FBXL14: variants seen among roughly 807,000 people sequenced by gnomAD.
FBXL14 encodes the protein F-box and leucine rich repeat protein 14.
FBXL14 carries 11 observed loss-of-function variants against 24.5 expected under a neutral mutation model. That is an observed-to-expected ratio of 0.45 (90% CI 0.28 to 0.74). FBXL14 has a LOEUF of 0.74. Among genes scored for constraint, FBXL14 ranks in the 30% least tolerant of loss-of-function variants. The pLI is 0.12. For missense variants in FBXL14, 384 were observed against 545.6 expected, an observed-to-expected ratio of 0.70 and a Z score of 2.95; for synonymous variants, 294 against 240.4, an observed-to-expected ratio of 1.22 and a Z score of -2.06.
rs1230638244 is a variant in FBXL14, at chr12:1,579,875, T to C, written c.1194+12998A>G. ...GTCTCTCGATGCTGAAATGGAATGA[T>C]GAGAACTCAGGGCCAGCCTGAAATG... On this transcript the variant is annotated intron_variant, in intron 1 of 1. Coordinates refer to ENST00000339235, the MANE Select transcript of FBXL14 (RefSeq NM_152441.3). The surrounding 1 kb of genome is among the most constrained non-coding windows in gnomAD (Gnocchi z 4.3). Among the ~76,000 whole-genome samples the C allele has an allele frequency of 6.6e-6, 1 of 152,174 alleles. No individual in the cohort carries two copies. The highest frequency in any genetic ancestry group is 1.5e-5 in the Non-Finnish European group (1 of 68,034).
At chr12:1,571,759 A>G (rs1027678131) in intron 1 of FBXL14, among the ~76,000 whole-genome samples, 1 of 152,220 alleles carries the variant, frequency 6.6e-6, no homozygotes, top group African/African-American at 2.4e-5. Flanking sequence ...TCCCATTTGA[A>G]GTCACTACTA....
In FBXL14 at chr12:1,567,898, CGT is replaced by C. The variant is rs761220680; in HGVS notation, c.1195-1090_1195-1089del. On this transcript the variant is annotated intron_variant, in intron 1 of 1. Coordinates refer to ENST00000339235, the MANE Select transcript of FBXL14 (RefSeq NM_152441.3). The surrounding 1 kb of genome is among the most constrained non-coding windows in gnomAD (Gnocchi z 4.8). ...ACCCACACGCACACGCGCGCACACA[CGT>C]GCGCACACACACAGAACAGAATATC... Among the ~76,000 whole-genome samples, 1,346 of 152,220 alleles carry C rather than the reference CGT, an allele frequency of 8.8e-3. 12 individuals are homozygous for C. Among genetic ancestry groups the C allele is most frequent in the Non-Finnish European group, 0.014 (969 of 68,010 alleles).
intron 1 of FBXL14, among the ~76,000 whole-genome samples, chr12:1,574,499 G>A (rs12811095): frequency 1.3e-3 from 18 of 14,126 alleles, no homozygotes; most frequent in Non-Finnish European, 1.4e-3. Context: ...TGGCAGCAGC[G>A]GTGTGGATGG....
intron 1 of FBXL14, among the ~76,000 whole-genome samples, chr12:1,592,168 C>T (rs921435482): frequency 2.1e-5 from 3 of 144,490 alleles, no homozygotes; most frequent in Non-Finnish European, 3.0e-5. Flanking sequence ...TAAACTAAAA[C>T]GAGGTAGCCA....
At chr12:1,583,527 A>AT (rs2094470866) in intron 1 of FBXL14, among the ~76,000 whole-genome samples, 1 of 152,208 alleles carries the variant, frequency 6.6e-6, no homozygotes, top group Non-Finnish European at 1.5e-5. Flanking sequence ...GAAATTCCTC[A>AT]TTTGTCAACT....
Position 1,594,252 on chromosome 12 carries a change from C to G in FBXL14, c.-186G>C, listed in dbSNP as rs1341910739. ...GCCGCCGCCGCTCCTCCTCCTGGTC[C>G]GTCCGTCCTTCCTTCCTGCCGGCTG... On this transcript the variant is annotated 5_prime_UTR_variant, in exon 1 of 2. Transcript: ENST00000339235. 1 of 199,194 alleles carries G rather than the reference C, an allele frequency of 5.0e-6. No homozygotes were observed. The highest frequency in any genetic ancestry group is 9.3e-6 in the Non-Finnish European group (1 of 108,074). The allele number at this position is 199,194 out of a possible 1,614,324, so 12.3% of individuals were successfully genotyped here.
chr12:1,583,485 T>A (rs1592474642), intron 1 of FBXL14, among the ~76,000 whole-genome samples: 1 of 152,214 alleles, frequency 6.6e-6, no homozygotes, highest in African/African-American at 2.4e-5. Flanking sequence ...TCACTGATAT[T>A]TTAAAATTCA....
At chr12:1,576,264 G>A (rs2094455739) in intron 1 of FBXL14, among the ~76,000 whole-genome samples, 2 of 152,190 alleles carry the variant, frequency 1.3e-5, no homozygotes, top group South Asian at 4.1e-4. Flanking sequence ...CAGAGCAGAA[G>A]GCAGGGTGGC....
chr12:1,582,298 G>C (rs185416243), intron 1 of FBXL14, among the ~76,000 whole-genome samples: 37 of 152,332 alleles, frequency 2.4e-4, no homozygotes, highest in Non-Finnish European at 4.0e-4. Flanking sequence ...TGTTCTTGGA[G>C]GCTATGAATC....
Position 1,567,438 on chromosome 12 carries a change from C to A in FBXL14, c.1195-628G>T, listed in dbSNP as rs1294694134. Among the ~76,000 whole-genome samples the A allele has an allele frequency of 4.6e-5, 7 of 152,214 alleles. No homozygotes were observed. In the South Asian group the frequency reaches 1.0e-3, roughly 23 times the overall value. ...ACCGGGAGGCAGAGGTTGCAGTGAG[C>A]CAAGATCGCGCCACTGTACTGCAGC... On this transcript the variant is annotated intron_variant, in intron 1 of 1. Transcript: ENST00000339235. This position sits in a 1 kb window ranked among gnomAD's most constrained non-coding sequence, Gnocchi z 4.8.
rs954451754 is a variant in FBXL14, at chr12:1,594,346, C to G, written c.-280G>C. 1.4e-5 allele frequency among the ~76,000 whole-genome samples: 2 copies of G among 144,900 alleles called. No homozygotes were observed. Among genetic ancestry groups the G allele is most frequent in the Non-Finnish European group, 3.1e-5 (2 of 65,266 alleles). On this transcript the variant is annotated 5_prime_UTR_variant, in exon 1 of 2. Transcript: ENST00000339235. ...CTCACATCCCGGGCGGGGAAGGCGCCTCGCTCTCGCTCCCGGAGGCCGGCC... is the reference window on the plus strand; with the variant it reads ...CTCACATCCCGGGCGGGGAAGGCGCGTCGCTCTCGCTCCCGGAGGCCGGCC...
Position 1,579,421 on chromosome 12 carries a change from G to T in FBXL14, c.1195-12611C>A, listed in dbSNP as rs558908384. 2.6e-5 allele frequency among the ~76,000 whole-genome samples: 4 copies of T among 152,172 alleles called. No homozygotes were observed. The highest frequency in any genetic ancestry group is 9.6e-5 in the African/African-American group (4 of 41,502). The stretch of plus-strand genomic sequence containing the variant: ...ACCTGAGGTCAGGAGTTCAAGACCA[G>T]CTATGGTCAACATGGTGAAACCCCG... On this transcript the variant is annotated intron_variant, in intron 1 of 1. Coordinates refer to ENST00000339235, the MANE Select transcript of FBXL14 (RefSeq NM_152441.3). This position sits in a 1 kb window ranked among gnomAD's most constrained non-coding sequence, Gnocchi z 4.3.
intron 1 of FBXL14, among the ~76,000 whole-genome samples, chr12:1,591,648 T>C (rs970755939): frequency 1.3e-5 from 2 of 152,126 alleles, no homozygotes; most frequent in Admixed American, 6.5e-5. Context: ...AGAAAGAAAG[T>C]CATCTATTCC....
At chr12:1,591,796 G>A (rs1361906475) in intron 1 of FBXL14, among the ~76,000 whole-genome samples, 1 of 152,194 alleles carries the variant, frequency 6.6e-6, no homozygotes, top group East Asian at 1.9e-4. Context: ...AAGCCGCACT[G>A]TGTGACCTTT....
intron 1 of FBXL14, among the ~76,000 whole-genome samples, chr12:1,584,181 C>G (rs2094472114): frequency 6.8e-6 from 1 of 146,430 alleles, no homozygotes; most frequent in Admixed American, 6.8e-5. Flanking sequence ...CCTGTCTCTA[C>G]AAAAAAAAAA....
At chr12:1,571,383 T>C (rs953319513) in intron 1 of FBXL14, among the ~76,000 whole-genome samples, 21 of 152,260 alleles carry the variant, frequency 1.4e-4, no homozygotes, top group African/African-American at 5.1e-4. Flanking sequence ...TAATTTTGTA[T>C]TTTTAGTAGA....
chr12:1,578,863 G>A (rs1206220120), intron 1 of FBXL14, among the ~76,000 whole-genome samples: 1 of 152,070 alleles, frequency 6.6e-6, no homozygotes, highest in African/African-American at 2.4e-5. Flanking sequence ...GACCACGGTG[G>A]GCTTTGCTTT....
intron 1 of FBXL14, among the ~76,000 whole-genome samples, chr12:1,570,800 G>A (rs1293298821): frequency 6.6e-6 from 1 of 152,104 alleles, no homozygotes; most frequent in Admixed American, 6.6e-5. Flanking sequence ...AGACCAAGCG[G>A]TAGTAATTCT....
intron 1 of FBXL14, among the ~76,000 whole-genome samples, chr12:1,591,864 A>ATT (rs2094490952): frequency 1.3e-5 from 2 of 152,100 alleles, no homozygotes; most frequent in Non-Finnish European, 2.9e-5. Context: ...TATAATCATC[A>ATT]TTTTCAAGAC....
Sources: gnomAD v4.1 joint callset for allele counts (sites outside exome capture counted in the v4.1 genomes callset) on GRCh38, gnomAD v4.1.1 for gene constraint, Gnocchi (gnomAD v3.1) non-coding constraint, MANE v1.5 for transcripts, NCBI Gene and HGNC (gene_info 2026-07-23, HGNC 2026-07-21) for gene names.